The following MIPOL1 variants were observed in gnomAD, a reference collection of about 807,000 sequenced individuals.
MIPOL1 encodes the protein mirror-image polydactyly 1.
Under a neutral mutation model 60.9 loss-of-function variants are expected in MIPOL1, and 57 were observed. The ratio of observed to expected loss-of-function variants is 0.94; its 90% confidence interval spans 0.76 to 1.17. The LOEUF (loss-of-function observed/expected upper bound fraction) is 1.17. MIPOL1 is among the 50% of genes most tolerant of loss of function. MIPOL1 has a pLI of 0.00. For missense variants in MIPOL1, 551 were observed against 511.6 expected, an observed-to-expected ratio of 1.08 and a Z score of -0.74; for synonymous variants, 179 against 168.8, an observed-to-expected ratio of 1.06 and a Z score of -0.47.
At chr14:37,319,587 G>T (rs1473885706) in intron 9 of MIPOL1, among the ~76,000 whole-genome samples, 1 of 152,184 alleles carries the variant, frequency 6.6e-6, no homozygotes, top group Non-Finnish European at 1.5e-5. Context: ...ATTGAGGCAA[G>T]AGGTGATGAG....
At chr14:37,322,079 G>C (rs61989589) in intron 9 of MIPOL1, among the ~76,000 whole-genome samples, 1 of 151,772 alleles carries the variant, frequency 6.6e-6, no homozygotes, top group East Asian at 1.9e-4. Flanking sequence ...CCATCAATTC[G>C]TCTCACTTAT....
chr14:37,527,745 A>G (rs1266105408), intron 12 of MIPOL1, among the ~76,000 whole-genome samples: 1 of 152,114 alleles, frequency 6.6e-6, no homozygotes, highest in Non-Finnish European at 1.5e-5. Context: ...TTGACTTATG[A>G]TGTTAGAAAA....
chr14:37,521,917 TTTTC>T (rs2095416851), intron 12 of MIPOL1, among the ~76,000 whole-genome samples: 1 of 148,166 alleles, frequency 6.7e-6, no homozygotes, highest in African/African-American at 2.5e-5. Flanking sequence ...TATATTTTTT[TTTTC>T]TTTGGCTTCA....
chr14:37,475,775 T>C (rs184923999), intron 11 of MIPOL1, among the ~76,000 whole-genome samples: 5 of 151,898 alleles, frequency 3.3e-5, no homozygotes, highest in East Asian at 1.9e-4. Flanking sequence ...TTCTCTTCCA[T>C]TGATCGATTT....
At chr14:37,313,746 A>G (rs991439420) in intron 9 of MIPOL1, among the ~76,000 whole-genome samples, 66 of 152,280 alleles carry the variant, frequency 4.3e-4, no homozygotes, top group African/African-American at 1.5e-3. Flanking sequence ...TTTCATTGGC[A>G]TCGACTGATG....
At chr14:37,355,751 G>A (rs1406437645) in intron 9 of MIPOL1, among the ~76,000 whole-genome samples, 5 of 149,650 alleles carry the variant, frequency 3.3e-5, no homozygotes, top group African/African-American at 1.2e-4. Flanking sequence ...TTGGTTTTCA[G>A]CTCCATCAGC....
At chr14:37,298,852 A>C (rs1191880333) in intron 7 of MIPOL1, among the ~76,000 whole-genome samples, 2 of 150,438 alleles carry the variant, frequency 1.3e-5, no homozygotes, top group East Asian at 3.9e-4. Context: ...TGTTGGTGGG[A>C]CTGTAAACTA....
chr14:37,551,982 G>A (rs923522649), downstream of MIPOL1: 3 of 151,612 alleles, frequency 2.0e-5, no homozygotes, highest in Non-Finnish European at 4.4e-5. Context: ...GTGGAATTTT[G>A]CTTCAATAGC....
intron 10 of MIPOL1, among the ~76,000 whole-genome samples, chr14:37,377,847 C>T (rs4349060): frequency 0.3 from 45,835 of 150,312 alleles, 7,182 homozygotes; most frequent in East Asian, 0.46. Context: ...TCCTGGGCAC[C>T]AGTGATCCTT....
intron 9 of MIPOL1, among the ~76,000 whole-genome samples, chr14:37,333,844 G>A (rs1282349890): frequency 6.6e-6 from 1 of 152,052 alleles, no homozygotes; most frequent in African/African-American, 2.4e-5. Flanking sequence ...ATTACCGTTA[G>A]AGAAGGCTTG....
chr14:37,266,433 G>T (rs1259750789), intron 3 of MIPOL1, among the ~76,000 whole-genome samples: 1 of 152,136 alleles, frequency 6.6e-6, no homozygotes, highest in Non-Finnish European at 1.5e-5. Flanking sequence ...AATGACAAAA[G>T]TTTATAAACG....
chr14:37,275,243 T>C (rs1230845496), intron 6 of MIPOL1, among the ~76,000 whole-genome samples: 5 of 151,188 alleles, frequency 3.3e-5, no homozygotes, highest in African/African-American at 1.2e-4. Flanking sequence ...TTTAAGACTT[T>C]TTACTGAGTT....
intron 10 of MIPOL1, among the ~76,000 whole-genome samples, chr14:37,392,374 T>G (rs1363122554): frequency 6.6e-6 from 1 of 152,226 alleles, no homozygotes; most frequent in Non-Finnish European, 1.5e-5. Context: ...CAGTTTTACA[T>G]TAATAGTATC....
At chr14:37,357,206 C>G (rs530028703) in intron 9 of MIPOL1, among the ~76,000 whole-genome samples, 50 of 152,260 alleles carry the variant, frequency 3.3e-4, no homozygotes, top group African/African-American at 1.2e-3. Flanking sequence ...AGTGATTGTA[C>G]TAACTTACAT....
At chr14:37,299,484 A>G (rs1048371945) in intron 7 of MIPOL1, among the ~76,000 whole-genome samples, 3 of 151,856 alleles carry the variant, frequency 2.0e-5, no homozygotes, top group Admixed American at 2.0e-4. Flanking sequence ...ACAACATCCT[A>G]CTTTCTTTAC....
intron 9 of MIPOL1, among the ~76,000 whole-genome samples, chr14:37,332,740 A>G (rs1017937820): frequency 1.1e-4 from 16 of 152,174 alleles, no homozygotes; most frequent in Admixed American, 4.6e-4. Context: ...AGGCAATTCA[A>G]CTTTTTTTTG....
chr14:37,526,988 A>T (rs2095451862), intron 12 of MIPOL1, among the ~76,000 whole-genome samples: 1 of 152,106 alleles, frequency 6.6e-6, no homozygotes, highest in African/African-American at 2.4e-5. Context: ...TATTGTTCTG[A>T]TATGCACTTA....
chr14:37,216,496 C>T (rs1967738614), intron 1 of MIPOL1, among the ~76,000 whole-genome samples: 1 of 152,194 alleles, frequency 6.6e-6, no homozygotes, highest in South Asian at 2.1e-4. Context: ...TTTTCCTTAG[C>T]ACATGCATCA....
At chr14:37,523,582 A>G in intron 12 of MIPOL1, 1 of 403,084 alleles carries the variant, frequency 2.5e-6, no homozygotes, top group East Asian at 3.6e-5. Flanking sequence ...CATGATTTAA[A>G]TATTTTTCTG....
Sources: gnomAD v4.1 joint callset for allele counts (sites outside exome capture counted in the v4.1 genomes callset) on GRCh38, gnomAD v4.1.1 for gene constraint, MANE v1.5 for transcripts, NCBI Gene and HGNC (gene_info 2026-07-23, HGNC 2026-07-21) for gene names.